GUSB: variants seen among roughly 807,000 people sequenced by gnomAD.
GUSB encodes beta-glucuronidase.
In GUSB, 51 loss-of-function variants were observed where a neutral mutation model predicts 74.6. The observed-to-expected ratio is 0.68, with a 90% CI of 0.55 to 0.86. GUSB has a LOEUF of 0.86. GUSB is among the 40% of genes least tolerant of loss of function. The pLI is 0.00. For synonymous variants in GUSB, 360 were observed against 348.3 expected (o/e 1.03, Z -0.37); for missense variants, 736 against 853.7 (o/e 0.86, Z 1.72).
chr7:65,974,668 T>C lies in GUSB; in HGVS notation c.1102A>G (p.Lys368Glu), dbSNP rs1162009314. The C allele has an allele frequency of 3.1e-6, 5 of 1,613,668 alleles. No individual in the cohort carries two copies. The highest frequency in any genetic ancestry group is 1.7e-6 in the Non-Finnish European group (2 of 1,180,030). Residue 368 changes from lysine (K) to glutamate (E), a missense_variant, in exon 7 of 12, where the codon AAG becomes GAG. Physicochemically the swap from Lys to Glu is moderately conservative, Grantham distance 56. Coordinates refer to ENST00000304895, the MANE Select transcript of GUSB (RefSeq NM_000181.4). ...GKGFDWPLLV[K>E]DFNLLRWLGA... ...AGCCAGCGAAGCAGGTTGAAGTCCT[T>C]CACCAGCAGCGGCCAGTCGAAGCCC... is the stretch of plus-strand genomic sequence containing the variant.
At chr7:65,962,890 A>T (rs1203170208) in intron 11 of GUSB, among the ~76,000 whole-genome samples, 1 of 150,474 alleles carries the variant, frequency 6.6e-6, no homozygotes, top group Non-Finnish European at 1.5e-5. Flanking sequence ...AAAGAGTCTC[A>T]CTCTATTGCT....
intron 8 of GUSB, among the ~76,000 whole-genome samples, chr7:65,973,742 G>A (rs933985559): frequency 6.6e-5 from 10 of 152,044 alleles, no homozygotes; most frequent in Admixed American, 1.3e-4. Flanking sequence ...GGGCAATAGA[G>A]GGAGACTGCA....
chr7:65,967,677 A>C, intron 10 of GUSB, 54 bp downstream of exon 10: 1 of 1,427,532 alleles, frequency 7.0e-7, no homozygotes, highest in Non-Finnish European at 9.9e-7. Flanking sequence ...GGAGGAGGTG[A>C]GTGACATCTC....
Position 65,960,862 on chromosome 7 carries a change from G to T in GUSB, c.*35C>A. On this transcript the variant is annotated 3_prime_UTR_variant, in exon 12 of 12. Coordinates refer to ENST00000304895, the MANE Select transcript of GUSB (RefSeq NM_000181.4). The stretch of plus-strand genomic sequence containing the variant: ...CTGCTGTGGAAGTCGCCCTGACTCG[G>T]GGAGGAAGGGACACGCAGGTGGTAT... The T allele has an allele frequency of 6.3e-7, 1 of 1,588,278 alleles. No homozygotes were observed. The highest frequency in any genetic ancestry group is 8.6e-7 in the Non-Finnish European group (1 of 1,156,756).
intron 10 of GUSB, among the ~76,000 whole-genome samples, chr7:65,964,949 G>T (rs1790736271): frequency 6.6e-6 from 1 of 151,500 alleles, no homozygotes; most frequent in Non-Finnish European, 1.5e-5. Context: ...CACATCTGTG[G>T]TCCCAGCTAC....
chr7:65,963,263 C>T lies in GUSB; in HGVS notation c.1789+1060G>A, dbSNP rs550719523. Among the ~76,000 whole-genome samples, 38 of 152,282 alleles carry T rather than the reference C, an allele frequency of 2.5e-4. No individual in the cohort carries two copies. In the South Asian group the frequency reaches 7.9e-3, roughly 32 times the overall value. ...ACAGGTGCCACGCAGAGGACAGCTT[C>T]CTGTTCTCCTTTTCCCTTTACCTCT... On this transcript the variant is annotated intron_variant, in intron 11 of 11. Coordinates refer to ENST00000304895, the MANE Select transcript of GUSB (RefSeq NM_000181.4).
At position 65,975,002 on chromosome 7, in the gene GUSB, T is replaced by C; in HGVS notation, c.982A>G (p.Thr328Ala). The change falls in exon 6 of 12, where the codon ACT becomes GCT. Residue 328 changes from threonine to alanine, a missense_variant. Physicochemically the swap from Thr to Ala is moderately conservative, Grantham distance 58. Transcript: ENST00000304895. The part of the protein sequence containing the change: ...DFYTLPVGIR[T>A]VAVTKSQFLI... ...AACTGGCTCTTGGTGACAGCCACAG[T>C]GCGGATCCCCACAGGGAGTGTGTAG... 7 of 1,613,276 alleles carry C rather than the reference T, an allele frequency of 4.3e-6. No homozygotes were observed. The highest frequency in any genetic ancestry group is 5.9e-6 in the Non-Finnish European group (7 of 1,179,346).
intron 1 of GUSB, 164 bp from the exon 2 acceptor site, chr7:65,980,573 G>A (rs1345035129): frequency 5.8e-6 from 4 of 687,188 alleles, no homozygotes; most frequent in Admixed American, 2.2e-5. Flanking sequence ...CTGCCAGGGC[G>A]ATCTGTGCAC....
chr7:65,962,785 T>C (rs1446486631), intron 11 of GUSB, among the ~76,000 whole-genome samples: 2 of 151,718 alleles, frequency 1.3e-5, no homozygotes, highest in Non-Finnish European at 2.9e-5. Flanking sequence ...GGCAGGAGAA[T>C]TGCTTGAACC....
At chr7:65,979,166 C>G (rs1022609638) in intron 4 of GUSB, among the ~76,000 whole-genome samples, 23 of 152,122 alleles carry the variant, frequency 1.5e-4, no homozygotes, top group Admixed American at 5.9e-4. Context: ...ATTGCCACCC[C>G]GAGCTGTGTG....
At chr7:65,980,857 T>C (rs940847574) in intron 1 of GUSB, 12 of 250,884 alleles carry the variant, frequency 4.8e-5, no homozygotes, top group Admixed American at 9.9e-5. Context: ...AATAAGAGGA[T>C]GTAGACCAGG....
chr7:65,973,453 G>A (rs1791347619), intron 8 of GUSB, among the ~76,000 whole-genome samples: 1 of 152,234 alleles, frequency 6.6e-6, no homozygotes, highest in Non-Finnish European at 1.5e-5. Flanking sequence ...AGGGTATGTT[G>A]GCGTGTGCCT....
chr7:65,980,648 A>G, intron 1 of GUSB: 2 of 552,876 alleles, frequency 3.6e-6, no homozygotes, highest in East Asian at 3.2e-5. Flanking sequence ...CTGAGACAGG[A>G]GCAAGCCCAG....
chr7:65,980,406 C>G lies in GUSB; in HGVS notation c.214G>C (p.Gly72Arg). ...QWYRRPLWES[G>R]PTVDMPVPSS... ...GGAACTGGCATGTCCACGGTGGGGC[C>G]TGACTGTGGAGAGAAGAGCCGGGCT... is the stretch of plus-strand genomic sequence containing the variant. Residue 72 changes from glycine (G) to arginine (R), a missense_variant, in exon 2 of 12, where the codon GGC (glycine) becomes CGC (arginine). Gly to Arg is a moderately radical substitution (Grantham distance 125). Transcript: ENST00000304895. The G allele has an allele frequency of 1.9e-6, 3 of 1,613,064 alleles. No homozygotes were observed. Among genetic ancestry groups the G allele is most frequent in the Non-Finnish European group, 1.7e-6 (2 of 1,179,556 alleles).
At chr7:65,975,453 C>G in intron 5 of GUSB, 2 of 306,384 alleles carry the variant, frequency 6.5e-6, no homozygotes, top group Admixed American at 9.2e-5. Context: ...GGTGTGATCT[C>G]AGCTCACTGC....
intron 8 of GUSB, among the ~76,000 whole-genome samples, 184 bp downstream of exon 8, chr7:65,974,111 A>G (rs1200491468): frequency 2.6e-5 from 4 of 152,084 alleles, no homozygotes; most frequent in Admixed American, 6.6e-5. Context: ...AGAAAAAAAA[A>G]GAACAAAAAA....
chr7:65,963,281 T>C (rs1308868604), intron 11 of GUSB, among the ~76,000 whole-genome samples: 1 of 152,164 alleles, frequency 6.6e-6, no homozygotes, highest in Non-Finnish European at 1.5e-5. Flanking sequence ...CCTTTTCCCT[T>C]TACCTCTTCC....
intron 11 of GUSB, 46 bp downstream of exon 11, chr7:65,964,277 A>G (rs1312866433): frequency 4.5e-6 from 7 of 1,566,744 alleles, no homozygotes; most frequent in African/African-American, 1.4e-5. Flanking sequence ...GCAACCTGAA[A>G]AAATGAGGAC....
intron 7 of GUSB, 36 bp from the exon 8 acceptor site, chr7:65,974,477 T>C: frequency 6.2e-7 from 1 of 1,614,060 alleles, no homozygotes; most frequent in Non-Finnish European, 8.5e-7. Flanking sequence ...AGGGTCACGG[T>C]GACGCCCCCG....
Sources: gnomAD v4.1 joint callset for allele counts (sites outside exome capture counted in the v4.1 genomes callset) on GRCh38, gnomAD v4.1.1 for gene constraint, MANE v1.5 for transcripts, NCBI Gene and HGNC (gene_info 2026-07-23, HGNC 2026-07-21) for gene names.